The following MEG3 variants were observed in gnomAD, a reference collection of about 807,000 sequenced individuals.
MEG3 encodes the protein Very putative protein from MEG3 locus.
At chr14:100,853,840 A>G (rs1209245502), upstream of MEG3, 3 of 152,218 alleles carry the variant, frequency 2.0e-5, no homozygotes, top group East Asian at 5.8e-4. Flanking sequence ...TCATTGCTTC[A>G]CTACAGATCA....
chr14:100,855,889 A>C (rs2038227939), upstream of MEG3: 1 of 152,226 alleles, frequency 6.6e-6, no homozygotes, highest in Non-Finnish European at 1.5e-5. Flanking sequence ...CTGTACAACT[A>C]GGTTGATTAG....
chr14:100,847,485 T>G (rs1305447141), intron 3 of MEG3: 1 of 152,196 alleles, frequency 6.6e-6, no homozygotes. Context: ...AAATGTTAAG[T>G]ACAGAAATAC....
chr14:100,830,385 C>CACACACACACACACACATA (rs72228212), downstream of MEG3: 2 of 139,210 alleles, frequency 1.4e-5, no homozygotes, highest in African/African-American at 5.5e-5. Flanking sequence ...ACACACACAC[C>CACACACACACACACACATA]CCCTCGTGTA....
chr14:100,843,833 GTTTTTTTTTT>G (rs11307044), intron 2 of MEG3, among the ~76,000 whole-genome samples: 2 of 70,732 alleles, frequency 2.8e-5, no homozygotes, highest in Non-Finnish European at 5.1e-5. Flanking sequence ...CCCGGGACCT[GTTTTTTTTTT>G]TTTTTTTTTT....
At chr14:100,852,322 C>G (rs1469469108), upstream of MEG3, 20 of 531,098 alleles carry the variant, frequency 3.8e-5, no homozygotes, top group East Asian at 1.1e-3. Flanking sequence ...GTGGTTCCCA[C>G]GCTTCTAGCT....
In MEG3 at chr14:100,837,252, T is replaced by C. The variant is rs577848282; in HGVS notation, n.3045+952T>C. Among the ~76,000 whole-genome samples the C allele has an allele frequency of 6.6e-5, 10 of 152,282 alleles. No homozygotes were observed. The East Asian group carries it at 1.7e-3, about 27-fold the overall frequency. ...AGAGGAGGCTCAGCTGAGGCCACTT[T>C]CCTTTCTGGGGGTCCCAGGGACTGA... On this transcript the variant is annotated intron_variant and non_coding_transcript_variant, in intron 2 of 3. Coordinates refer to the MEG3 transcript ENST00000398461. The surrounding 1 kb of genome is among the most constrained non-coding windows in gnomAD (Gnocchi z 5.8).
At chr14:100,836,273 G>A (rs775306482) in exon 2 of MEG3, 20 of 456,468 alleles carry the variant, frequency 4.4e-5, no homozygotes, top group Middle Eastern at 3.2e-4. Flanking sequence ...TCTTCCTGGC[G>A]GGCCTCTCGT....
chr14:100,838,598 TG>T (rs1308299200), intron 2 of MEG3, among the ~76,000 whole-genome samples: 1 of 152,150 alleles, frequency 6.6e-6, no homozygotes, highest in Non-Finnish European at 1.5e-5. Flanking sequence ...GACTAGGCAG[TG>T]AGCCACAGAG....
intron 2 of MEG3, among the ~76,000 whole-genome samples, chr14:100,838,890 C>T (rs1315181826): frequency 1.3e-5 from 2 of 152,252 alleles, no homozygotes; most frequent in East Asian, 3.9e-4. Context: ...GCGAGTTGCT[C>T]ATTGCTGCTT....
chr14:100,836,968 C>T (rs1022705408), intron 2 of MEG3, among the ~76,000 whole-genome samples: 1 of 152,188 alleles, frequency 6.6e-6, no homozygotes, highest in South Asian at 2.1e-4. Context: ...ACAATTCACT[C>T]GAGGACCCAT....
At chr14:100,853,214 A>C (rs2038139990), upstream of MEG3, 1 of 152,116 alleles carries the variant, frequency 6.6e-6, no homozygotes, top group Non-Finnish European at 1.5e-5. Flanking sequence ...AATGAGAATT[A>C]ATTCTGTCTC....
At chr14:100,827,158 T>G (rs890141731) in intron 1 of MEG3, among the ~76,000 whole-genome samples, 1 of 152,086 alleles carries the variant, frequency 6.6e-6, no homozygotes. Context: ...TCTTGGACTT[T>G]TGGTCAAATC....
chr14:100,838,881 C>A (rs1264265949), intron 2 of MEG3, among the ~76,000 whole-genome samples: 1 of 152,122 alleles, frequency 6.6e-6, no homozygotes, highest in Non-Finnish European at 1.5e-5. Flanking sequence ...CTCTCACCTG[C>A]GAGTTGCTCA....
downstream of MEG3, chr14:100,829,613 G>A (rs967914508): frequency 6.6e-6 from 1 of 152,252 alleles, no homozygotes; most frequent in South Asian, 2.1e-4. Context: ...CTGGCATAGA[G>A]GAGGTGATCA....
At chr14:100,844,257 G>T (rs2037847274) in intron 2 of MEG3, among the ~76,000 whole-genome samples, 1 of 152,048 alleles carries the variant, frequency 6.6e-6, no homozygotes, top group Admixed American at 6.6e-5. Flanking sequence ...GTCTCCACCT[G>T]TGCCTAATCC....
intron 3 of MEG3, chr14:100,851,562 CT>C (rs981905465): frequency 6.6e-6 from 1 of 152,190 alleles, no homozygotes; most frequent in African/African-American, 2.4e-5. Flanking sequence ...ACCCTCTGGC[CT>C]GGTCTTCCAT....
At chr14:100,842,725 G>C (rs185307041) in intron 2 of MEG3, among the ~76,000 whole-genome samples, 3 of 152,346 alleles carry the variant, frequency 2.0e-5, no homozygotes, top group African/African-American at 7.2e-5. Flanking sequence ...TGCCAGATCA[G>C]TTAGGTGCTG....
At chr14:100,833,876 G>A (rs994736218), downstream of MEG3, 4 of 152,208 alleles carry the variant, frequency 2.6e-5, no homozygotes, top group African/African-American at 7.2e-5. Context: ...AAACCTTACG[G>A]GACCTTCCTC....
chr14:100,832,675 G>C (rs2037431750), downstream of MEG3: 1 of 152,600 alleles, frequency 6.6e-6, no homozygotes. Context: ...GGGCGATGTG[G>C]CTTCTTAAGC....
Sources: allele counts gnomAD v4.1 joint callset (sites outside exome capture counted in the v4.1 genomes callset), GRCh38; gene constraint gnomAD v4.1.1; non-coding constraint Gnocchi (gnomAD v3.1); transcripts MANE v1.5; gene names NCBI Gene and HGNC (gene_info 2026-07-23, HGNC 2026-07-21).